The following SFMBT2 variants were observed in gnomAD, a reference collection of about 807,000 sequenced individuals.
SFMBT2 encodes the protein scm-like with four MBT domains protein 2.
In SFMBT2, 38 loss-of-function variants were observed where a neutral mutation model predicts 110.1. The ratio of observed to expected loss-of-function variants is 0.35; its 90% CI spans 0.27 to 0.45. SFMBT2 has a LOEUF of 0.45. SFMBT2 is among the 20% of genes least tolerant of loss of function. The pLI is 1.00. For missense variants in SFMBT2, 1,011 were observed against 1,094.9 expected, an observed-to-expected ratio of 0.92 and a Z score of 1.08; for synonymous variants, 425 against 425.4, an observed-to-expected ratio of 1.00 and a Z score of 0.01.
In SFMBT2 at chr10:7,194,504, T is replaced by A. The variant is rs550321793; in HGVS notation, c.1698+3044A>T. On this transcript the variant is annotated intron_variant, in intron 15 of 20. Transcript: ENST00000397167. ...CAGGGTGAACCGCTCTCACTGCACA[T>A]CTCCTACACATAAAGTGTTCAAGTT... Among the ~76,000 whole-genome samples the A allele has an allele frequency of 1.9e-3, 293 of 152,218 alleles. 1 individual carries two copies. Among genetic ancestry groups the A allele is most frequent in the African/African-American group, 6.8e-3 (284 of 41,504 alleles).
rs1446395282 is a variant in SFMBT2 at position 7,266,051 on chromosome 10, C to T, written c.870+10841G>A. Among the ~76,000 whole-genome samples, 3 of 151,156 alleles carry T rather than the reference C, an allele frequency of 2.0e-5. No homozygotes were observed. In the East Asian group the frequency reaches 5.8e-4, roughly 29 times the overall value. On this transcript the variant is annotated intron_variant, in intron 7 of 20. Transcript: ENST00000397167. ...CTGAACCAGGATAGCAGGGAGAGTG[C>T]GCAGAAGGGGAGATAGTGGAACAGA...
intron 14 of SFMBT2, among the ~76,000 whole-genome samples, chr10:7,199,517 T>C (rs35304213): frequency 0.012 from 1,899 of 152,296 alleles, 18 homozygotes; most frequent in Non-Finnish European, 0.019. Flanking sequence ...CTTCTGGATA[T>C]AAAAGAAAAG....
chr10:7,206,421 A>G (rs778059709), intron 11 of SFMBT2: 2 of 985,352 alleles, frequency 2.0e-6, no homozygotes, highest in Admixed American at 6.1e-5. Context: ...CAAGCATCAC[A>G]GCTAAACGGA....
intron 5 of SFMBT2, chr10:7,284,921 T>G (rs991715523): frequency 6.6e-6 from 1 of 152,260 alleles, no homozygotes; most frequent in African/African-American, 2.4e-5. Flanking sequence ...ATCATCATTT[T>G]GATTTGTTAA....
chr10:7,225,379 A>G (rs1268749174), intron 10 of SFMBT2, among the ~76,000 whole-genome samples: 2 of 152,188 alleles, frequency 1.3e-5, no homozygotes, highest in African/African-American at 4.8e-5. Flanking sequence ...CTCTCCTCTA[A>G]TACACAGGAG....
At chr10:7,329,569 G>A in intron 4 of SFMBT2, 1 of 934,984 alleles carries the variant, frequency 1.1e-6, no homozygotes, top group Non-Finnish European at 1.3e-6. Flanking sequence ...AGCGCCCAGG[G>A]GCCAAAACAC....
intron 4 of SFMBT2, among the ~76,000 whole-genome samples, chr10:7,339,114 C>G (rs1843811687): frequency 6.6e-6 from 1 of 152,142 alleles, no homozygotes; most frequent in African/African-American, 2.4e-5. Context: ...ATGACAGGTA[C>G]CTGTAGTCCC....
chr10:7,277,125 C>G, intron 6 of SFMBT2, 136 bp from the exon 7 acceptor site: 1 of 601,978 alleles, frequency 1.7e-6, no homozygotes. Flanking sequence ...ACCCCATACC[C>G]ACCATGAGCA....
At chr10:7,347,983 CATTAG>C (rs1401884506) in intron 4 of SFMBT2, among the ~76,000 whole-genome samples, 5 of 152,142 alleles carry the variant, frequency 3.3e-5, no homozygotes, top group Non-Finnish European at 7.4e-5. Context: ...ACAAATTGCA[CATTAG>C]ATGTAGAGAT....
chr10:7,188,854 G>T, intron 15 of SFMBT2, 121 bp from the exon 16 acceptor site: 1 of 742,102 alleles, frequency 1.3e-6, no homozygotes, highest in Non-Finnish European at 2.2e-6. Flanking sequence ...CCCACATGAA[G>T]TGAAGAAACG....
At chr10:7,174,290 C>T (rs1012120195) in intron 17 of SFMBT2, among the ~76,000 whole-genome samples, 1 of 152,218 alleles carries the variant, frequency 6.6e-6, no homozygotes, top group Non-Finnish European at 1.5e-5. Flanking sequence ...GAGCAAGCCT[C>T]TGTCCCCTCC....
intron 2 of SFMBT2, among the ~76,000 whole-genome samples, chr10:7,381,431 C>A (rs755637063): frequency 1.3e-5 from 2 of 152,112 alleles, no homozygotes; most frequent in South Asian, 2.1e-4. Flanking sequence ...TTGTCTCTTG[C>A]GAGCCAGAGC....
intron 4 of SFMBT2, among the ~76,000 whole-genome samples, chr10:7,350,980 C>G (rs1160106914): frequency 3.3e-5 from 5 of 152,350 alleles, no homozygotes; most frequent in African/African-American, 1.2e-4. Flanking sequence ...TTAGATTGCT[C>G]TACTGTTGAT....
chr10:7,351,530 G>A (rs564783655), intron 4 of SFMBT2, among the ~76,000 whole-genome samples: 1 of 152,244 alleles, frequency 6.6e-6, no homozygotes, highest in South Asian at 2.1e-4. Flanking sequence ...GCCCAGGTTC[G>A]CACGTTTAAT....
intron 16 of SFMBT2, 85 bp from the exon 17 acceptor site, chr10:7,176,250 A>T: frequency 7.3e-7 from 1 of 1,375,676 alleles, no homozygotes; most frequent in Middle Eastern, 1.8e-4. Flanking sequence ...CGAAGGCAGC[A>T]ACTTCATTTT....
intron 2 of SFMBT2, among the ~76,000 whole-genome samples, chr10:7,375,796 CACACAA>C (rs1845188697): frequency 7.7e-6 from 1 of 129,512 alleles, no homozygotes; most frequent in South Asian, 2.8e-4. Context: ...CACACACACA[CACACAA>C]ATCACCTAGC....
At chr10:7,314,488 G>C (rs1425528848) in intron 4 of SFMBT2, among the ~76,000 whole-genome samples, 1 of 152,160 alleles carries the variant, frequency 6.6e-6, no homozygotes, top group Non-Finnish European at 1.5e-5. Context: ...ATTTCTTAAC[G>C]ATCACATGAT....
intron 15 of SFMBT2, among the ~76,000 whole-genome samples, chr10:7,194,261 G>C (rs1192922228): frequency 6.6e-6 from 1 of 152,124 alleles, no homozygotes; most frequent in Non-Finnish European, 1.5e-5. Context: ...ATTGAGGCCA[G>C]ACACGCTCGT....
At chr10:7,331,961 G>A (rs1293432530) in intron 4 of SFMBT2, among the ~76,000 whole-genome samples, 1 of 140,200 alleles carries the variant, frequency 7.1e-6, no homozygotes, top group Non-Finnish European at 1.5e-5. Context: ...ACTGAGCCGA[G>A]ATCATCACAC....
Sources: gnomAD v4.1 joint callset for allele counts (sites outside exome capture counted in the v4.1 genomes callset) on GRCh38, gnomAD v4.1.1 for gene constraint, MANE v1.5 for transcripts, NCBI Gene and HGNC (gene_info 2026-07-23, HGNC 2026-07-21) for gene names.